Variants in GAB2 observed in about 807,000 individuals in gnomAD.
GAB2 encodes GRB2 associated binding protein 2, also known as GRB2-associated-binding protein 2.
A neutral mutation model predicts 65.5 loss-of-function variants in GAB2; 26 were observed. The observed-to-expected ratio is 0.40, with a 90% CI of 0.29 to 0.55. The LOEUF is 0.55. Ranked by LOEUF, GAB2 falls within the 20% of genes least tolerant of loss-of-function variation. GAB2 has a pLI of 0.53. For missense variants in GAB2, 884 were observed against 875.8 expected (o/e 1.01, Z -0.12); for synonymous variants, 321 against 329.6 (o/e 0.97, Z 0.28).
At chr11:78,375,756 CACTG>C (rs1267917119) in intron 1 of GAB2, among the ~76,000 whole-genome samples, 20 of 152,188 alleles carry the variant, frequency 1.3e-4, no homozygotes. Context: ...CTCTTTGACT[CACTG>C]ACTAATAAGT....
intron 1 of GAB2, among the ~76,000 whole-genome samples, chr11:78,377,078 T>C (rs1856640319): frequency 6.6e-6 from 1 of 152,236 alleles, no homozygotes; most frequent in Non-Finnish European, 1.5e-5. Context: ...TCCCTGAGGC[T>C]TCACCAGAAG....
intron 1 of GAB2, among the ~76,000 whole-genome samples, chr11:78,316,089 A>G (rs1160167925): frequency 6.6e-6 from 1 of 152,096 alleles, no homozygotes; most frequent in Non-Finnish European, 1.5e-5. Flanking sequence ...GCCCTTGGAC[A>G]TCAGACTTCA....
chr11:78,322,838 T>A (rs770620859), intron 1 of GAB2, among the ~76,000 whole-genome samples: 1 of 150,478 alleles, frequency 6.6e-6, no homozygotes, highest in Non-Finnish European at 1.5e-5. Context: ...GGAGAGGCTG[T>A]GGAGCAAAGG....
intron 1 of GAB2, among the ~76,000 whole-genome samples, chr11:78,364,938 G>A (rs1348256689): frequency 1.3e-5 from 2 of 152,080 alleles, no homozygotes; most frequent in African/African-American, 4.8e-5. Context: ...TTTGCAAGTA[G>A]GTGGCAATGC....
chr11:78,271,729 A>T (rs1321624687), intron 2 of GAB2, among the ~76,000 whole-genome samples: 7 of 152,214 alleles, frequency 4.6e-5, no homozygotes, highest in Non-Finnish European at 7.3e-5. Context: ...ACAGTGGTTC[A>T]TACTTGTAAT....
At chr11:78,301,865 T>G (rs1391277918) in intron 1 of GAB2, among the ~76,000 whole-genome samples, 1 of 152,016 alleles carries the variant, frequency 6.6e-6, no homozygotes, top group South Asian at 2.1e-4. Context: ...TGGAACACAA[T>G]AGAGAACCCA....
chr11:78,388,052 T>G (rs1307159149), intron 1 of GAB2: 5 of 152,140 alleles, frequency 3.3e-5, no homozygotes, highest in African/African-American at 4.8e-5. Context: ...CCGTATTTTT[T>G]TTTTTTTTAG....
At chr11:78,398,015 A>T (rs553454137) in intron 1 of GAB2, among the ~76,000 whole-genome samples, 14 of 103,954 alleles carry the variant, frequency 1.3e-4, no homozygotes, top group Non-Finnish European at 2.3e-4. Flanking sequence ...CCTGCCTGTG[A>T]ATAGCTACAC....
intron 1 of GAB2, among the ~76,000 whole-genome samples, chr11:78,283,366 A>C (rs1866381424): frequency 6.6e-6 from 1 of 152,194 alleles, no homozygotes; most frequent in East Asian, 1.9e-4. Context: ...CCTTCTTCAG[A>C]ATCGTTGCAT....
chr11:78,298,626 C>A (rs1238338300), intron 1 of GAB2, among the ~76,000 whole-genome samples: 1 of 152,182 alleles, frequency 6.6e-6, no homozygotes, highest in African/African-American at 2.4e-5. Flanking sequence ...GACAAAGCAA[C>A]AAATGAGCTG....
chr11:78,267,362 G>A (rs1412758872), intron 2 of GAB2, among the ~76,000 whole-genome samples: 2 of 152,288 alleles, frequency 1.3e-5, no homozygotes, highest in Middle Eastern at 3.4e-3. Context: ...CCTGACACAC[G>A]TATCACCTCT....
At chr11:78,266,881 T>C (rs1865888231) in intron 2 of GAB2, among the ~76,000 whole-genome samples, 2 of 152,348 alleles carry the variant, frequency 1.3e-5, no homozygotes, top group Non-Finnish European at 2.9e-5. Flanking sequence ...GTAAGGGCAC[T>C]GAATACGTGA....
At chr11:78,223,197 G>A (rs1468630293) in intron 6 of GAB2, among the ~76,000 whole-genome samples, 2 of 152,164 alleles carry the variant, frequency 1.3e-5, no homozygotes, top group Non-Finnish European at 1.5e-5. Context: ...CGCCTGCTAT[G>A]TACCAAAGTA....
At chr11:78,319,840 T>C (rs58235466) in intron 1 of GAB2, among the ~76,000 whole-genome samples, 43,739 of 151,806 alleles carry the variant, frequency 0.29, 7,967 homozygotes, top group African/African-American at 0.51. Flanking sequence ...ATCTCAGAGC[T>C]GAGTATCTGG....
chr11:78,222,866 C>T (rs1381393762), intron 6 of GAB2, among the ~76,000 whole-genome samples: 1 of 152,218 alleles, frequency 6.6e-6, no homozygotes, highest in Non-Finnish European at 1.5e-5. Context: ...TACAGGCGTA[C>T]AGGCGTGAGC....
chr11:78,299,340 C>T (rs1454610967), intron 1 of GAB2, among the ~76,000 whole-genome samples: 1 of 152,166 alleles, frequency 6.6e-6, no homozygotes, highest in Non-Finnish European at 1.5e-5. Flanking sequence ...CCCACCATCA[C>T]TTCAATTTCT....
At chr11:78,346,721 A>ATATATATATAT (rs1491548868) in intron 1 of GAB2, among the ~76,000 whole-genome samples, 26 of 34,564 alleles carry the variant, frequency 7.5e-4, no homozygotes, top group Admixed American at 2.1e-3. Context: ...ATATATATAT[A>ATATATATATAT]ATTTTTTTTT....
At chr11:78,384,733 T>C (rs1202935760) in intron 1 of GAB2, among the ~76,000 whole-genome samples, 2 of 152,096 alleles carry the variant, frequency 1.3e-5, no homozygotes, top group African/African-American at 4.8e-5. Context: ...CTAGAAAGAA[T>C]ACTGGAACAC....
chr11:78,303,158 T>C (rs1445857844), intron 1 of GAB2, among the ~76,000 whole-genome samples: 1 of 152,198 alleles, frequency 6.6e-6, no homozygotes, highest in African/African-American at 2.4e-5. Flanking sequence ...CTTACTCATG[T>C]AACCAAATAC....
Sources: allele counts gnomAD v4.1 joint callset (sites outside exome capture counted in the v4.1 genomes callset), GRCh38; gene constraint gnomAD v4.1.1; transcripts MANE v1.5; gene names NCBI Gene and HGNC (gene_info 2026-07-23, HGNC 2026-07-21).